Variants in ITGAV observed in about 807,000 individuals in gnomAD.
ITGAV encodes integrin alpha-V.
ITGAV carries 76 observed loss-of-function variants against 143.8 expected under a neutral mutation model. The ratio of observed to expected loss-of-function variants is 0.53; its 90% CI spans 0.44 to 0.64. ITGAV has a LOEUF of 0.64. Among genes scored for constraint, ITGAV ranks in the 30% least tolerant of loss-of-function variants. The pLI is 0.00. For missense variants in ITGAV, 1,193 were observed against 1,274.7 expected (o/e 0.94, Z 0.98); for synonymous variants, 453 against 446.7 (o/e 1.01, Z -0.18).
At position 186,641,593 on chromosome 2, in the gene ITGAV, G is replaced by T. The variant is rs1344671549; in HGVS notation, c.1159+5G>T. 1 of 1,613,118 alleles carries T rather than the reference G, an allele frequency of 6.2e-7. No individual in the cohort carries two copies. Among genetic ancestry groups the T allele is most frequent in the South Asian group, 1.1e-5 (1 of 91,034 alleles). ...TGGACCAGGATGGTTTCAATGGTAA[G>T]ATCAAAGTTTAGCAGCTACAGGTCC... On this transcript the variant is annotated splice_donor_5th_base_variant and intron_variant, in intron 12 of 29. Transcript: ENST00000261023.
intron 2 of ITGAV, among the ~76,000 whole-genome samples, chr2:186,617,795 G>A (rs1687408179): frequency 6.6e-6 from 1 of 151,816 alleles, no homozygotes; most frequent in South Asian, 2.1e-4. Context: ...ATTTATCTGG[G>A]TGAACAGAGC....
intron 12 of ITGAV, chr2:186,641,793 A>C: frequency 2.0e-5 from 11 of 558,594 alleles, no homozygotes; most frequent in East Asian, 5.9e-5. Context: ...ATGGACTCTC[A>C]TGAGTTATTA....
rs1294185761 is a variant in ITGAV at position 186,667,221 on chromosome 2, A to G, written c.2318A>G (p.Glu773Gly). 4 of 1,608,280 alleles carry G rather than the reference A, an allele frequency of 2.5e-6. No individual in the cohort carries two copies. The highest frequency in any genetic ancestry group is 2.7e-5 in the African/African-American group (2 of 74,668). Residue 773 changes from glutamate (E) to glycine (G), a missense_variant, in exon 23 of 30, where the codon GAG (glutamate) becomes GGG (glycine). By Grantham distance (98) the Glu-to-Gly change is moderately conservative. Coordinates refer to ENST00000261023, the MANE Select transcript of ITGAV (RefSeq NM_002210.5). ...KVDLAVLAAV[E>G]IRGVSSPDHV... is the part of the protein sequence containing the mutation. ...GATCTTGCTGTTTTAGCTGCAGTTG[A>G]GATAAGAGGGTCAGTATGAATACTT...
At chr2:186,621,433 A>G (rs1687517342) in intron 2 of ITGAV, among the ~76,000 whole-genome samples, 1 of 152,176 alleles carries the variant, frequency 6.6e-6, no homozygotes, top group Admixed American at 6.5e-5. Flanking sequence ...AACAGTAACA[A>G]TGTAATTATT....
intron 3 of ITGAV, among the ~76,000 whole-genome samples, chr2:186,624,285 C>T (rs551499625): frequency 1.5e-3 from 222 of 152,152 alleles, no homozygotes; most frequent in Non-Finnish European, 2.0e-3. Context: ...TAATTATTTA[C>T]GTAGTATTTA....
intron 2 of ITGAV, among the ~76,000 whole-genome samples, chr2:186,611,082 T>C (rs1687202737): frequency 6.6e-6 from 1 of 152,156 alleles, no homozygotes; most frequent in Admixed American, 6.5e-5. Context: ...TTGGCATTCT[T>C]TGTCTTGTGG....
intron 4 of ITGAV, among the ~76,000 whole-genome samples, 192 bp from the exon 5 acceptor site, chr2:186,630,605 G>A (rs1373316632): frequency 2.6e-5 from 4 of 151,918 alleles, no homozygotes; most frequent in Admixed American, 6.6e-5. Context: ...CTTCGTTTCC[G>A]TATCTGAGTA....
intron 17 of ITGAV, 61 bp from the exon 18 acceptor site, chr2:186,658,977 T>C (rs1010087410): frequency 3.0e-5 from 40 of 1,351,866 alleles, no homozygotes; most frequent in Admixed American, 3.9e-5. Context: ...TGTGCACTTA[T>C]GGATTTCTCC....
chr2:186,673,737 G>A (rs1032518342), intron 26 of ITGAV, among the ~76,000 whole-genome samples: 5 of 151,792 alleles, frequency 3.3e-5, no homozygotes, highest in South Asian at 2.1e-4. Context: ...GTGTGATCTC[G>A]ACTCATTGCA....
At chr2:186,600,311 C>T (rs761551437) in intron 1 of ITGAV, 14 of 1,535,908 alleles carry the variant, frequency 9.1e-6, no homozygotes, top group South Asian at 8.4e-5. Context: ...CCACCCCCCA[C>T]TCCCCTCCAT....
intron 24 of ITGAV, 88 bp from the exon 25 acceptor site, chr2:186,668,673 CT>C: frequency 8.6e-7 from 1 of 1,165,826 alleles, no homozygotes; most frequent in South Asian, 1.4e-5. Context: ...AAACCTATTG[CT>C]AACATGATTT....
chr2:186,669,217 A>G (rs1489811195), intron 25 of ITGAV, among the ~76,000 whole-genome samples: 8 of 152,212 alleles, frequency 5.3e-5, no homozygotes, highest in Admixed American at 2.0e-4. Flanking sequence ...TCTTCAGGGC[A>G]TAATATCACA....
At chr2:186,637,467 C>A (rs1295969205) in intron 8 of ITGAV, among the ~76,000 whole-genome samples, 1 of 143,380 alleles carries the variant, frequency 7.0e-6, no homozygotes, top group East Asian at 2.0e-4. Context: ...GGCGACAGAG[C>A]CGAGACCCTG....
At chr2:186,631,791 G>A (rs1441354426) in intron 5 of ITGAV, among the ~76,000 whole-genome samples, 2 of 152,130 alleles carry the variant, frequency 1.3e-5, no homozygotes, top group Non-Finnish European at 2.9e-5. Flanking sequence ...CCAGCACTTT[G>A]GGAGGCTGAG....
rs556801671 is a variant in ITGAV, at chr2:186,642,433, G to C, written c.1159+845G>C. On this transcript the variant is annotated intron_variant, in intron 12 of 29. Coordinates refer to ENST00000261023, the MANE Select transcript of ITGAV (RefSeq NM_002210.5). ...AAAGGTAAATGTTGTTTGCCCTCAAGATTTCACACCTGTCTTGTGGGTAGG... is the reference window on the plus strand; with the variant it reads ...AAAGGTAAATGTTGTTTGCCCTCAACATTTCACACCTGTCTTGTGGGTAGG... 1.1e-4 allele frequency among the ~76,000 whole-genome samples: 16 copies of C among 152,072 alleles called. No individual in the cohort carries two copies. In the South Asian group the frequency reaches 1.7e-3, roughly 16 times the overall value.
chr2:186,674,926 G>T (rs934748035), intron 26 of ITGAV, among the ~76,000 whole-genome samples: 3 of 152,202 alleles, frequency 2.0e-5, no homozygotes, highest in African/African-American at 7.2e-5. Context: ...GATGAAGTAT[G>T]ATATTAGCTG....
chr2:186,650,817 T>C (rs1688404801), intron 14 of ITGAV, among the ~76,000 whole-genome samples: 1 of 152,178 alleles, frequency 6.6e-6, no homozygotes, highest in South Asian at 2.1e-4. Context: ...CCCAAAGTGC[T>C]GGGATTACAG....
At position 186,630,859 on chromosome 2, in the gene ITGAV, GT is replaced by G; in HGVS notation, c.585+2del. ...AGGATTCAGCATTGATTTTACTAAAGTAAGTTCTTATTTAAGACTGAATGAG... is the reference window on the plus strand; with the variant it reads ...AGGATTCAGCATTGATTTTACTAAAGAAGTTCTTATTTAAGACTGAATGAG... On this transcript the variant is annotated splice_donor_variant, in intron 5 of 29. Transcript: ENST00000261023. LOFTEE classifies it high-confidence loss of function. 6.5e-7 allele frequency: 1 copy of G among 1,530,826 alleles called. No individual in the cohort carries two copies. The highest frequency in any genetic ancestry group is 9.0e-7 in the Non-Finnish European group (1 of 1,107,102). The allele number at this position is 1,530,826 out of a possible 1,614,324, so 94.8% of individuals were successfully genotyped here. A position where few individuals can be genotyped will look rare whatever the true frequency, so the allele number is the denominator to read the frequency against.
intron 1 of ITGAV, among the ~76,000 whole-genome samples, chr2:186,597,604 T>C (rs1020241638): frequency 3.9e-5 from 6 of 152,148 alleles, no homozygotes; most frequent in African/African-American, 1.4e-4. Flanking sequence ...CAAAAAGTTA[T>C]AAAATATATT....
Sources: allele counts gnomAD v4.1 joint callset (sites outside exome capture counted in the v4.1 genomes callset), GRCh38; gene constraint gnomAD v4.1.1; transcripts MANE v1.5; gene names NCBI Gene and HGNC (gene_info 2026-07-23, HGNC 2026-07-21).